LRRC4C: variants seen among roughly 807,000 people sequenced by gnomAD.
LRRC4C encodes the protein leucine-rich repeat-containing protein 4C.
Under a neutral mutation model 33.6 loss-of-function variants are expected in LRRC4C, and 5 were observed. The observed-to-expected ratio is 0.15, with a 90% CI of 0.08 to 0.31. The LOEUF (loss-of-function observed/expected upper bound fraction) is 0.31, where lower values mean the gene tolerates loss of function less well. Ranked by LOEUF, LRRC4C falls within the 10% of genes least tolerant of loss-of-function variation. The probability of loss-of-function intolerance (pLI) is 1.00; values close to 1 mark genes in which losing one functional copy is unlikely to be tolerated. For synonymous variants in LRRC4C, 329 were observed against 302.0 expected (o/e 1.09, Z -0.93); for missense variants, 560 against 796.7 (o/e 0.70, Z 3.58).
intron 1 of LRRC4C, among the ~76,000 whole-genome samples, chr11:41,096,932 G>C (rs1036793061): frequency 2.0e-5 from 3 of 152,140 alleles, no homozygotes; most frequent in Non-Finnish European, 4.4e-5. Context: ...CTTGATTACA[G>C]TTTCCAGGTT....
chr11:40,317,665 C>T (rs951564812), intron 4 of LRRC4C, among the ~76,000 whole-genome samples: 5 of 152,082 alleles, frequency 3.3e-5, no homozygotes, highest in African/African-American at 7.2e-5. Flanking sequence ...CCTGAGATCA[C>T]CTTCTCAATT....
At chr11:40,451,366 C>CTTTTTTTTTTTTTTTTTTTTT (rs71060962) in intron 3 of LRRC4C, among the ~76,000 whole-genome samples, 1 of 47,058 alleles carries the variant, frequency 2.1e-5, no homozygotes, top group African/African-American at 9.3e-5. Flanking sequence ...GAAATAATGA[C>CTTTTTTTTTTTTTTTTTTTTT]TTTTTTTTTT....
chr11:40,169,083 G>A (rs939956580), intron 5 of LRRC4C, among the ~76,000 whole-genome samples: 10 of 151,936 alleles, frequency 6.6e-5, no homozygotes, highest in African/African-American at 1.7e-4. Flanking sequence ...CTTTAAAAAC[G>A]AATGAGTATG....
At chr11:41,030,426 GAC>G (rs1856650302) in intron 1 of LRRC4C, among the ~76,000 whole-genome samples, 1 of 151,760 alleles carries the variant, frequency 6.6e-6, no homozygotes, top group South Asian at 2.1e-4. Context: ...AACCCTCAAT[GAC>G]ACCCTTAGGG....
At chr11:40,212,106 C>T (rs2135833911) in intron 5 of LRRC4C, among the ~76,000 whole-genome samples, 1 of 152,242 alleles carries the variant, frequency 6.6e-6, no homozygotes, top group East Asian at 1.9e-4. Flanking sequence ...TTCTAAGAGT[C>T]ATGTTTATTT....
intron 2 of LRRC4C, among the ~76,000 whole-genome samples, chr11:40,849,907 T>C (rs561452877): frequency 6.6e-6 from 1 of 151,718 alleles, no homozygotes; most frequent in Admixed American, 6.6e-5. Context: ...GCCTTTCTTC[T>C]GCTTGATCCA....
chr11:40,166,645 A>G (rs1859621690), intron 5 of LRRC4C, among the ~76,000 whole-genome samples: 1 of 152,176 alleles, frequency 6.6e-6, no homozygotes, highest in South Asian at 2.1e-4. Context: ...ATGATCGAAT[A>G]GGAGAATGCA....
chr11:41,447,421 A>G (rs1190854427), intron 1 of LRRC4C, among the ~76,000 whole-genome samples: 2 of 152,202 alleles, frequency 1.3e-5, no homozygotes, highest in East Asian at 3.9e-4. Flanking sequence ...ATGAAAAATA[A>G]TCCAATCTTA....
intron 3 of LRRC4C, among the ~76,000 whole-genome samples, chr11:40,332,189 G>A (rs1055828466): frequency 3.9e-5 from 6 of 152,144 alleles, no homozygotes; most frequent in African/African-American, 1.4e-4. Flanking sequence ...TACACTTCCT[G>A]GAAGTCAGAA....
At chr11:40,909,403 T>C (rs555734938) in intron 2 of LRRC4C, among the ~76,000 whole-genome samples, 1 of 152,024 alleles carries the variant, frequency 6.6e-6, no homozygotes, top group African/African-American at 2.4e-5. Flanking sequence ...TTGAAAAGAA[T>C]GAAAAACACT....
At chr11:41,080,580 C>T (rs1014743446) in intron 1 of LRRC4C, among the ~76,000 whole-genome samples, 2 of 151,926 alleles carry the variant, frequency 1.3e-5, no homozygotes, top group East Asian at 1.9e-4. Context: ...CTCGAACTCC[C>T]GACCTCAGGT....
intron 1 of LRRC4C, among the ~76,000 whole-genome samples, chr11:40,984,364 A>G (rs776169629): frequency 0.043 from 778 of 18,268 alleles, 3 homozygotes; most frequent in African/African-American, 0.053. Context: ...AAGAAAGAAA[A>G]AAGAAAGAAA....
chr11:41,259,911 A>G (rs1463918285), intron 1 of LRRC4C, among the ~76,000 whole-genome samples: 3 of 151,976 alleles, frequency 2.0e-5, no homozygotes, highest in Non-Finnish European at 4.4e-5. Context: ...TATGAGTCCA[A>G]TTCCCTGCGT....
chr11:41,107,607 G>A (rs1941582458), intron 1 of LRRC4C, among the ~76,000 whole-genome samples: 1 of 152,132 alleles, frequency 6.6e-6, no homozygotes, highest in African/African-American at 2.4e-5. Flanking sequence ...ATTTTATTAT[G>A]TCACTAAGAA....
chr11:40,651,281 G>A (rs1028058807), intron 2 of LRRC4C, among the ~76,000 whole-genome samples: 3 of 151,656 alleles, frequency 2.0e-5, no homozygotes, highest in Non-Finnish European at 4.4e-5. Flanking sequence ...GTCTTAACAC[G>A]TTCATCAATT....
chr11:40,293,106 C>G (rs1944305414), intron 4 of LRRC4C: 1 of 152,396 alleles, frequency 6.6e-6, no homozygotes, highest in Non-Finnish European at 1.5e-5. Context: ...CGGCCAGCCA[C>G]CTTCCCCTCT....
chr11:40,144,559 G>A (rs1458722386), intron 5 of LRRC4C, among the ~76,000 whole-genome samples: 1 of 152,162 alleles, frequency 6.6e-6, no homozygotes, highest in Non-Finnish European at 1.5e-5. Context: ...CTGGCAATAA[G>A]AAAGATGATG....
intron 3 of LRRC4C, among the ~76,000 whole-genome samples, chr11:40,395,463 T>C (rs916162335): frequency 2.0e-5 from 3 of 152,246 alleles, no homozygotes; most frequent in African/African-American, 2.4e-5. Flanking sequence ...AGAACTGGAA[T>C]GCAATATCAA....
intron 3 of LRRC4C, among the ~76,000 whole-genome samples, chr11:40,621,072 GT>G (rs968970774): frequency 9.2e-5 from 14 of 151,414 alleles, no homozygotes; most frequent in African/African-American, 3.4e-4. Flanking sequence ...TTTCTTTTTG[GT>G]TTTATCTCTT....
Sources: gnomAD v4.1 joint callset for allele counts (sites outside exome capture counted in the v4.1 genomes callset) on GRCh38, gnomAD v4.1.1 for gene constraint, MANE v1.5 for transcripts, NCBI Gene and HGNC (gene_info 2026-07-23, HGNC 2026-07-21) for gene names.